CECR2: variants seen among roughly 807,000 people sequenced by gnomAD.
The protein encoded by CECR2 is chromatin remodeling regulator CECR2.
In CECR2, 30 loss-of-function variants were observed where a neutral mutation model predicts 154.5. That is an observed-to-expected ratio of 0.19 (90% CI 0.15 to 0.26). The LOEUF (loss-of-function observed/expected upper bound fraction) is 0.26. Ranked by LOEUF, CECR2 falls within the 10% of genes least tolerant of loss-of-function variation. CECR2 has a pLI of 1.00. For synonymous variants in CECR2, 725 were observed against 683.7 expected (o/e 1.06, Z -0.94); for missense variants, 1,743 against 1,829.3 (o/e 0.95, Z 0.86).
intron 8 of CECR2, among the ~76,000 whole-genome samples, chr22:17,520,334 G>T (rs1223333401): frequency 2.0e-5 from 3 of 151,932 alleles, no homozygotes; most frequent in Non-Finnish European, 4.4e-5. Context: ...TCATTTTGGG[G>T]TCTGACATAC....
chr22:17,411,174 G>A (rs1459065247), intron 1 of CECR2, among the ~76,000 whole-genome samples: 1 of 152,114 alleles, frequency 6.6e-6, no homozygotes, highest in Non-Finnish European at 1.5e-5. Flanking sequence ...TTAGGCACAG[G>A]GTAATGTTTT....
intron 1 of CECR2, chr22:17,428,326 A>G (rs1025909427): frequency 3.2e-4 from 48 of 152,328 alleles, no homozygotes; most frequent in African/African-American, 8.7e-4. Flanking sequence ...GTGAGCAGAC[A>G]TTGATTGTTA....
At chr22:17,472,804 G>A (rs542865533) in intron 1 of CECR2, among the ~76,000 whole-genome samples, 31 of 152,308 alleles carry the variant, frequency 2.0e-4, no homozygotes, top group Admixed American at 8.5e-4. Flanking sequence ...AAATGGGTTG[G>A]TAGGGTTACA....
chr22:17,370,394 G>C (rs1464342072), intron 1 of CECR2, among the ~76,000 whole-genome samples: 2 of 150,156 alleles, frequency 1.3e-5, no homozygotes, highest in Non-Finnish European at 3.0e-5. Context: ...GGCTAGCCCC[G>C]CTCTGGCGGG....
upstream of CECR2, among the ~76,000 whole-genome samples, chr22:17,365,896 T>C (rs1331741502): frequency 3.3e-5 from 5 of 151,828 alleles, no homozygotes; most frequent in African/African-American, 1.2e-4. Context: ...TCCCAGATTA[T>C]CCTCCAGGAA....
intron 1 of CECR2, among the ~76,000 whole-genome samples, chr22:17,435,675 T>C (rs1356887705): frequency 7.3e-6 from 1 of 137,434 alleles, no homozygotes; most frequent in Non-Finnish European, 1.5e-5. Context: ...CTTGAGCTCT[T>C]TTAATTCTTA....
rs369579628 is a variant in CECR2, at chr22:17,481,039, C to CT, written c.221+3367dup. Reference sequence around the variant, plus strand: ...TGGGCGAAAGAGTGAGACTCCATCTCTTTTTTTTTTAAAAAAAAAAAAGGC... The same window carrying CT: ...TGGGCGAAAGAGTGAGACTCCATCTCTTTTTTTTTTTAAAAAAAAAAAAGGC... On this transcript the variant is annotated intron_variant, in intron 2 of 18. Coordinates refer to ENST00000262608, the MANE Select transcript of CECR2 (RefSeq NM_001290047.2). Among the ~76,000 whole-genome samples, 287 of 100,052 alleles carry CT rather than the reference C, an allele frequency of 2.9e-3. 12 individuals carry two copies. The highest frequency in any genetic ancestry group is 7.8e-3 in the Middle Eastern group (1 of 128). The allele number at this position is 100,052 out of a possible 152,430, so 65.6% of individuals were successfully genotyped here.
intron 1 of CECR2, among the ~76,000 whole-genome samples, chr22:17,387,941 GT>G (rs59212745): frequency 1.3e-5 from 2 of 148,518 alleles, no homozygotes; most frequent in Non-Finnish European, 1.5e-5. Context: ...TAAGTTTTGA[GT>G]TTTTTTTTTG....
chr22:17,367,693 C>T (rs903557194), upstream of CECR2, among the ~76,000 whole-genome samples: 1 of 151,344 alleles, frequency 6.6e-6, no homozygotes, highest in African/African-American at 2.4e-5. Flanking sequence ...GGCCAACTCA[C>T]ACAGAGGAAA....
At chr22:17,504,527 C>T (rs2055799879) in intron 6 of CECR2, among the ~76,000 whole-genome samples, 1 of 151,982 alleles carries the variant, frequency 6.6e-6, no homozygotes, top group African/African-American at 2.4e-5. Context: ...AGCTCCGCCT[C>T]CCGGGTTCAC....
rs763727175 is a variant in CECR2 at position 17,542,669 on chromosome 22, G to A, written c.2526G>A (p.Pro842=). Residue 842 remains proline, a synonymous_variant, in exon 16 of 19, where the codon CCG becomes CCA. Transcript: ENST00000262608. ...TTCCTTCCTCAGGGTACATGCGACC[G>A]CCCTGCAAGTCTGCCGGACATCGGT... ...HGVPSSGYMR[P]PCKSAGHRLQ... 37 of 1,613,838 alleles carry A rather than the reference G, an allele frequency of 2.3e-5. No homozygotes were observed. The highest frequency in any genetic ancestry group is 5.3e-5 in the African/African-American group (4 of 74,896).
At chr22:17,414,232 A>C (rs1021524011) in intron 1 of CECR2, among the ~76,000 whole-genome samples, 22 of 152,168 alleles carry the variant, frequency 1.4e-4, no homozygotes, top group South Asian at 2.1e-4. Context: ...TTGGCCTCCC[A>C]AAGTGCTGGG....
intron 1 of CECR2, among the ~76,000 whole-genome samples, chr22:17,388,477 G>A (rs1473117383): frequency 1.3e-5 from 2 of 152,146 alleles, no homozygotes; most frequent in African/African-American, 4.8e-5. Flanking sequence ...CATACCGGCA[G>A]ACTTCAGGAA....
intron 1 of CECR2, among the ~76,000 whole-genome samples, chr22:17,469,524 A>G (rs2055087283): frequency 6.6e-6 from 1 of 151,530 alleles, no homozygotes; most frequent in African/African-American, 2.4e-5. Flanking sequence ...GATTACTGCC[A>G]GTTTTTATCT....
At chr22:17,402,372 T>G (rs980812669) in intron 1 of CECR2, among the ~76,000 whole-genome samples, 3 of 152,224 alleles carry the variant, frequency 2.0e-5, no homozygotes, top group Non-Finnish European at 2.9e-5. Context: ...GAGAAAGACT[T>G]CATGTATATC....
intron 1 of CECR2, among the ~76,000 whole-genome samples, chr22:17,381,805 G>A (rs992147721): frequency 3.9e-5 from 6 of 152,106 alleles, no homozygotes; most frequent in Admixed American, 1.3e-4. Flanking sequence ...CGAGTGAAAC[G>A]CTTCCTGGAG....
intron 1 of CECR2, among the ~76,000 whole-genome samples, chr22:17,417,468 T>TA (rs1180580972): frequency 1.3e-5 from 2 of 152,236 alleles, no homozygotes; most frequent in Non-Finnish European, 1.5e-5. Context: ...TACAGTTTAC[T>TA]ACTTGTGGCC....
In CECR2 at chr22:17,411,026, A is replaced by G. The variant is rs17206058; in HGVS notation, c.126+41117A>G. Among the ~76,000 whole-genome samples the G allele has an allele frequency of 8.9e-3, 1,360 of 152,334 alleles. 60 individuals carry two copies. The East Asian group carries it at 0.14, about 16-fold the overall frequency. ...GGTAGAGCCAAGCCTAGCAGTTAAT[A>G]GGAAGCCCAAGACTTAATCATTTTC... On this transcript the variant is annotated intron_variant, in intron 1 of 18. Transcript: ENST00000262608.
chr22:17,406,088 T>G (rs761309091), intron 1 of CECR2, among the ~76,000 whole-genome samples: 8 of 152,250 alleles, frequency 5.3e-5, no homozygotes, highest in Non-Finnish European at 1.2e-4. Flanking sequence ...CCAGAGAGCT[T>G]TCTATTAATG....
Sources: allele counts gnomAD v4.1 joint callset (sites outside exome capture counted in the v4.1 genomes callset), GRCh38; gene constraint gnomAD v4.1.1; transcripts MANE v1.5; gene names NCBI Gene and HGNC (gene_info 2026-07-23, HGNC 2026-07-21).